The following CNTNAP2 variants were observed in gnomAD, a reference collection of about 807,000 sequenced individuals.
The protein encoded by CNTNAP2 is contactin-associated protein-like 2.
In CNTNAP2, 98 loss-of-function variants were observed where a neutral mutation model predicts 155.2. The observed-to-expected ratio is 0.63, with a 90% confidence interval of 0.54 to 0.75. CNTNAP2 has a LOEUF of 0.75. Ranked by LOEUF, CNTNAP2 falls within the 30% of genes least tolerant of loss-of-function variation. The probability of loss-of-function intolerance (pLI) is 0.00; values close to 1 mark genes in which losing one functional copy is unlikely to be tolerated. For synonymous variants in CNTNAP2, 651 were observed against 631.2 expected, an observed-to-expected ratio of 1.03 and a Z score of -0.47; for missense variants, 1,727 against 1,688.1, an observed-to-expected ratio of 1.02 and a Z score of -0.40.
intron 1 of CNTNAP2, among the ~76,000 whole-genome samples, chr7:146,530,593 C>T (rs1797756297): frequency 6.6e-6 from 1 of 152,090 alleles, no homozygotes; most frequent in Non-Finnish European, 1.5e-5. Context: ...CCAAAGAAGG[C>T]ATACACGTGG....
chr7:146,278,510 A>C (rs1298071333), intron 1 of CNTNAP2, among the ~76,000 whole-genome samples: 4 of 152,180 alleles, frequency 2.6e-5, no homozygotes, highest in Admixed American at 2.6e-4. Context: ...CACTCACTAA[A>C]AAAATGAAAA....
At chr7:147,558,638 G>A (rs1007080629) in intron 11 of CNTNAP2, among the ~76,000 whole-genome samples, 16 of 152,178 alleles carry the variant, frequency 1.1e-4, no homozygotes, top group African/African-American at 3.9e-4. Context: ...TAGGTGAAAG[G>A]CAAGCACAAT....
intron 1 of CNTNAP2, among the ~76,000 whole-genome samples, chr7:146,312,745 A>T (rs1378908160): frequency 1.3e-5 from 2 of 152,056 alleles, no homozygotes; most frequent in African/African-American, 4.8e-5. Flanking sequence ...TGGTATCCAC[A>T]TTTCTATTCC....
chr7:148,008,966 T>C (rs1802024536), intron 15 of CNTNAP2, among the ~76,000 whole-genome samples: 1 of 152,180 alleles, frequency 6.6e-6, no homozygotes, highest in African/African-American at 2.4e-5. Flanking sequence ...TAACATTATG[T>C]GGAGTAACAA....
intron 1 of CNTNAP2, among the ~76,000 whole-genome samples, chr7:146,752,621 A>G (rs1329930827): frequency 6.6e-6 from 1 of 152,130 alleles, no homozygotes; most frequent in Non-Finnish European, 1.5e-5. Flanking sequence ...TCTTTAGTTT[A>G]ATTAGATCCT....
intron 15 of CNTNAP2, among the ~76,000 whole-genome samples, chr7:148,115,071 A>G (rs1218877382): frequency 1.3e-5 from 2 of 152,260 alleles, no homozygotes; most frequent in Non-Finnish European, 2.9e-5. Flanking sequence ...ATAGTGGGAA[A>G]AACCATTTGT....
intron 14 of CNTNAP2, among the ~76,000 whole-genome samples, chr7:147,966,968 C>T (rs1467725291): frequency 1.3e-5 from 2 of 151,952 alleles, no homozygotes; most frequent in South Asian, 2.1e-4. Context: ...ACCGAGAAGT[C>T]CTAGACTATT....
intron 3 of CNTNAP2, among the ~76,000 whole-genome samples, chr7:147,027,330 CTGTAAATCAGAAGCTG>C (rs1272210531): frequency 3.9e-5 from 6 of 152,210 alleles, no homozygotes; most frequent in Non-Finnish European, 8.8e-5. Flanking sequence ...CATAGATCTT[CTGTAAATCAGAAGCTG>C]TATAACCAGC....
chr7:147,197,105 T>C (rs1001505164), intron 8 of CNTNAP2, among the ~76,000 whole-genome samples: 2 of 152,148 alleles, frequency 1.3e-5, no homozygotes, highest in African/African-American at 4.8e-5. Flanking sequence ...AAAGTATCTC[T>C]GATTGGTTGC....
chr7:147,192,968 A>C (rs910721477), intron 8 of CNTNAP2, among the ~76,000 whole-genome samples: 1 of 152,192 alleles, frequency 6.6e-6, no homozygotes, highest in South Asian at 2.1e-4. Flanking sequence ...GTATTTTTGC[A>C]GTCTACCAAT....
At chr7:148,099,358 G>A (rs1257984049) in intron 15 of CNTNAP2, among the ~76,000 whole-genome samples, 1 of 151,638 alleles carries the variant, frequency 6.6e-6, no homozygotes, top group Non-Finnish European at 1.5e-5. Flanking sequence ...AATGGAATAA[G>A]GATTGGAGAA....
intron 13 of CNTNAP2, among the ~76,000 whole-genome samples, chr7:147,876,169 T>C (rs781757927): frequency 1.3e-5 from 2 of 152,122 alleles, no homozygotes; most frequent in Admixed American, 1.3e-4. Context: ...AATGCGTGAG[T>C]GTCTCTCCCT....
intron 20 of CNTNAP2, among the ~76,000 whole-genome samples, chr7:148,266,613 T>C (rs1384158983): frequency 6.6e-6 from 1 of 151,942 alleles, no homozygotes; most frequent in African/African-American, 2.4e-5. Flanking sequence ...TGTGTGTGTG[T>C]GTATGTGTGT....
At chr7:148,150,699 A>C (rs930454417) in intron 17 of CNTNAP2, among the ~76,000 whole-genome samples, 13 of 152,230 alleles carry the variant, frequency 8.5e-5, no homozygotes, top group Admixed American at 7.2e-4. Flanking sequence ...TTGACCAACT[A>C]TTACCATCTT....
intron 11 of CNTNAP2, among the ~76,000 whole-genome samples, chr7:147,523,883 C>A (rs1295733765): frequency 2.0e-5 from 3 of 152,122 alleles, no homozygotes; most frequent in Admixed American, 6.5e-5. Context: ...ATAAATACTG[C>A]GGTGAATCTC....
chr7:146,292,036 G>T (rs1051541638), intron 1 of CNTNAP2, among the ~76,000 whole-genome samples: 2 of 152,080 alleles, frequency 1.3e-5, no homozygotes, highest in African/African-American at 2.4e-5. Context: ...TATATAGAAA[G>T]AATACAAATA....
At chr7:147,917,689 G>GTTA (rs1800183741) in intron 14 of CNTNAP2, among the ~76,000 whole-genome samples, 1 of 152,154 alleles carries the variant, frequency 6.6e-6, no homozygotes, top group South Asian at 2.1e-4. Context: ...TGAGCATTCT[G>GTTA]TTACCAAGGA....
Position 147,245,166 on chromosome 7 carries a change from C to A in CNTNAP2, c.1349-54975C>A, listed in dbSNP as rs10278151. 4.9e-3 allele frequency among the ~76,000 whole-genome samples: 746 copies of A among 151,998 alleles called. 11 individuals carry two copies. Among genetic ancestry groups the A allele is most frequent in the African/African-American group, 0.017 (712 of 41,498 alleles). On this transcript the variant is annotated intron_variant, in intron 8 of 23. Transcript: ENST00000361727. Reference sequence around the variant, plus strand: ...AGAAATTATATTGTTCTTTTTTGCCCTTGCTGGCCCTCAGAAGAGTATTAA... The same window carrying A: ...AGAAATTATATTGTTCTTTTTTGCCATTGCTGGCCCTCAGAAGAGTATTAA...
At chr7:147,413,814 T>C (rs1304258693) in intron 10 of CNTNAP2, among the ~76,000 whole-genome samples, 1 of 152,138 alleles carries the variant, frequency 6.6e-6, no homozygotes, top group Admixed American at 6.5e-5. Context: ...CCCAGATACA[T>C]GAAAAATGCA....
Sources: allele counts gnomAD v4.1 joint callset (sites outside exome capture counted in the v4.1 genomes callset), GRCh38; gene constraint gnomAD v4.1.1; transcripts MANE v1.5; gene names NCBI Gene and HGNC (gene_info 2026-07-23, HGNC 2026-07-21).